The following TTC3 variants were observed in gnomAD, a reference collection of about 807,000 sequenced individuals.
TTC3 encodes the protein tetratricopeptide repeat domain 3, also known as E3 ubiquitin-protein ligase TTC3.
Under a neutral mutation model 249.6 loss-of-function variants are expected in TTC3, and 180 were observed. That is an observed-to-expected ratio of 0.72 (90% confidence interval 0.64 to 0.82). TTC3 has a LOEUF of 0.82. Ranked by LOEUF, TTC3 falls within the 40% of genes least tolerant of loss-of-function variation. TTC3 has a pLI of 0.00. For missense variants in TTC3, 2,061 were observed against 2,398.4 expected (o/e 0.86, Z 2.94); for synonymous variants, 717 against 805.0 (o/e 0.89, Z 1.85).
At chr21:37,147,432 T>C (rs556590169) in intron 21 of TTC3, 49 bp from the exon 22 acceptor site, 4 of 1,492,408 alleles carry the variant, frequency 2.7e-6, no homozygotes, top group East Asian at 5.0e-5. Context: ...AGCATTTTTA[T>C]TGACAGATTA....
Position 37,144,279 on chromosome 21 carries a change from A to C in TTC3, c.1773-246A>C, listed in dbSNP as rs551296937. Among the ~76,000 whole-genome samples the C allele has an allele frequency of 3.4e-4, 51 of 152,150 alleles. 1 individual carries two copies. Among genetic ancestry groups the C allele is most frequent in the African/African-American group, 9.9e-4 (41 of 41,520 alleles). On this transcript the variant is annotated intron_variant, in intron 20 of 45. Transcript: ENST00000355666. ...ATATATATAAACAACAAACAACAAAAAAGTGTACACCTGCCACAATAAAGC... is the reference window on the plus strand; with the variant it reads ...ATATATATAAACAACAAACAACAAACAAGTGTACACCTGCCACAATAAAGC...
At chr21:37,088,551 G>C (rs1194690549) in intron 4 of TTC3, among the ~76,000 whole-genome samples, 3 of 152,200 alleles carry the variant, frequency 2.0e-5, no homozygotes, top group African/African-American at 7.2e-5. Context: ...AATAGTACTA[G>C]ATGGTAGACT....
rs1473296056 is a variant in TTC3 at position 37,172,576 on chromosome 21, T to C, written c.4468-19T>C. The C allele has an allele frequency of 1.2e-6, 2 of 1,603,314 alleles. No individual in the cohort carries two copies. Among genetic ancestry groups the C allele is most frequent in the East Asian group, 4.5e-5 (2 of 44,802 alleles). ...ATTTTAAATGATTTTTAATAGATTG[T>C]TTTGTAATTCACTTTTAGGGGGAAA... On this transcript the variant is annotated intron_variant, in intron 34 of 45. Transcript: ENST00000355666.
chr21:37,174,490 A>C lies in TTC3; in HGVS notation c.4617+1746A>C, dbSNP rs184390879. ...TGGTTACGCTCATAGCTCATGGAGA[A>C]ATTTCTTAAAACATAGAAAGAAATG... On this transcript the variant is annotated intron_variant, in intron 35 of 45. Coordinates refer to ENST00000355666, the Ensembl canonical transcript of TTC3. Among the ~76,000 whole-genome samples, 428 of 124,162 alleles carry C rather than the reference A, an allele frequency of 3.4e-3. 1 individual carries two copies. Among genetic ancestry groups the C allele is most frequent in the Non-Finnish European group, 5.5e-3 (334 of 60,192 alleles). 81.5% of individuals were successfully genotyped at this position (124,162 alleles called of 152,430 possible).
chr21:37,096,471 C>A, intron 9 of TTC3, 110 bp from the exon 10 acceptor site: 2 of 716,264 alleles, frequency 2.8e-6, no homozygotes, highest in Admixed American at 3.0e-5. Context: ...TGCTTTGCCA[C>A]ACATATGTAA....
intron 26 of TTC3, among the ~76,000 whole-genome samples, chr21:37,152,456 G>A (rs887892292): frequency 1.3e-5 from 2 of 149,172 alleles, no homozygotes; most frequent in African/African-American, 5.0e-5. Flanking sequence ...GCGCGATCTC[G>A]GCTCACTGCA....
chr21:37,188,471 A>T (rs368530299), intron 38 of TTC3, 24 bp from the exon 39 acceptor site: 1 of 1,581,184 alleles, frequency 6.3e-7, no homozygotes. Context: ...TAAAATACTC[A>T]TATGTCTTCT....
chr21:37,115,467 A>G lies in TTC3; in HGVS notation c.901-6350A>G, dbSNP rs151210500. On this transcript the variant is annotated intron_variant, in intron 11 of 45. Coordinates refer to ENST00000355666, the Ensembl canonical transcript of TTC3. ...TTACAACCAAGTCAGGGAGCACTATAATAGACTCCACAGTTACTTGATTCT... is the reference window on the plus strand; with the variant it reads ...TTACAACCAAGTCAGGGAGCACTATGATAGACTCCACAGTTACTTGATTCT... 1.5e-3 allele frequency among the ~76,000 whole-genome samples: 222 copies of G among 152,310 alleles called. 2 individuals carry two copies. The highest frequency in any genetic ancestry group is 4.9e-3 in the African/African-American group (203 of 41,564).
At chr21:37,087,993 T>A (rs970288627) in intron 3 of TTC3, 118 bp downstream of exon 3, 9 of 978,882 alleles carry the variant, frequency 9.2e-6, no homozygotes, top group Middle Eastern at 2.3e-4. Context: ...TTCTTACTAG[T>A]TTTTCACTAG....
chr21:37,123,074 T>A, intron 13 of TTC3, 46 bp downstream of exon 13: 1 of 1,588,232 alleles, frequency 6.3e-7, no homozygotes. Context: ...GGAATGGCTT[T>A]GCTGCATGAA....
At chr21:37,122,057 G>A in intron 12 of TTC3, 78 bp downstream of exon 12, 1 of 1,341,346 alleles carries the variant, frequency 7.5e-7, no homozygotes. Flanking sequence ...TGGATTAACA[G>A]AGGACCACAA....
chr21:37,135,113 G>T (rs920663834), intron 17 of TTC3, among the ~76,000 whole-genome samples: 1 of 152,184 alleles, frequency 6.6e-6, no homozygotes, highest in Admixed American at 6.5e-5. Flanking sequence ...GAGAGCAAGT[G>T]AGGCTTAGTA....
At chr21:37,195,313 G>A (rs1160064561) in intron 41 of TTC3, among the ~76,000 whole-genome samples, 1 of 152,156 alleles carries the variant, frequency 6.6e-6, no homozygotes, top group African/African-American at 2.4e-5. Context: ...TCTGGGGAGT[G>A]TGGTGGCCAT....
chr21:37,131,327 A>G (rs533424649), intron 16 of TTC3, among the ~76,000 whole-genome samples: 25 of 152,250 alleles, frequency 1.6e-4, no homozygotes, highest in East Asian at 1.2e-3. Flanking sequence ...TTAGGCACCA[A>G]TGGCCAGTGG....
chr21:37,114,762 G>A (rs573481749), intron 11 of TTC3, among the ~76,000 whole-genome samples: 1 of 152,206 alleles, frequency 6.6e-6, no homozygotes, highest in Non-Finnish European at 1.5e-5. Flanking sequence ...ATTCACAATA[G>A]CAAAGACTTG....
chr21:37,101,966 A>G (rs979223643), intron 10 of TTC3, among the ~76,000 whole-genome samples: 1 of 149,448 alleles, frequency 6.7e-6, no homozygotes, highest in Non-Finnish European at 1.5e-5. Context: ...TTTTATTTAC[A>G]ATGTTAAATT....
At chr21:37,163,574 T>A (rs1236348818) in intron 31 of TTC3, among the ~76,000 whole-genome samples, 1 of 152,164 alleles carries the variant, frequency 6.6e-6, no homozygotes, top group African/African-American at 2.4e-5. Context: ...GATCTCGAAC[T>A]CCTGACCTCA....
intron 1 of TTC3, among the ~76,000 whole-genome samples, chr21:37,073,934 G>C (rs888520211): frequency 6.6e-6 from 1 of 152,276 alleles, no homozygotes; most frequent in African/African-American, 2.4e-5. Flanking sequence ...GTCCTTGCGT[G>C]TCTCCGAGTG....
chr21:37,139,805 T>C (rs1213499159), intron 19 of TTC3, among the ~76,000 whole-genome samples: 6 of 133,814 alleles, frequency 4.5e-5, no homozygotes. Context: ...GCGAGACTGA[T>C]TTAGAAAAAA....
Sources: allele counts gnomAD v4.1 joint callset (sites outside exome capture counted in the v4.1 genomes callset), GRCh38; gene constraint gnomAD v4.1.1; transcripts MANE v1.5; gene names NCBI Gene and HGNC (gene_info 2026-07-23, HGNC 2026-07-21).